ERC2: variants seen among roughly 807,000 people sequenced by gnomAD.
ERC2 encodes the protein ERC protein 2.
ERC2 carries 42 observed loss-of-function variants against 114.8 expected under a neutral mutation model. That is an observed-to-expected ratio of 0.37 (90% CI 0.29 to 0.47). The LOEUF (loss-of-function observed/expected upper bound fraction) is 0.47. Ranked by LOEUF, ERC2 falls within the 20% of genes least tolerant of loss-of-function variation. ERC2 has a pLI of 0.99. For synonymous variants in ERC2, 454 were observed against 425.5 expected (o/e 1.07, Z -0.82); for missense variants, 939 against 1,150.7 (o/e 0.82, Z 2.66).
At chr3:56,021,139 G>A (rs2073685972) in intron 7 of ERC2, among the ~76,000 whole-genome samples, 1 of 152,080 alleles carries the variant, frequency 6.6e-6, no homozygotes, top group African/African-American at 2.4e-5. Flanking sequence ...CACCAAGAAT[G>A]ACTCTTAAGA....
chr3:55,842,030 T>C (rs770936013), intron 14 of ERC2, among the ~76,000 whole-genome samples: 1 of 152,220 alleles, frequency 6.6e-6, no homozygotes, highest in Non-Finnish European at 1.5e-5. Context: ...TCAGTTTTCA[T>C]GTAACCAACA....
intron 14 of ERC2, among the ~76,000 whole-genome samples, chr3:55,749,087 T>C (rs111528024): frequency 6.6e-6 from 1 of 152,280 alleles, no homozygotes; most frequent in South Asian, 2.1e-4. Flanking sequence ...ATTAACCCAG[T>C]CTGCAGAAGG....
chr3:55,940,967 G>A (rs1424619861), intron 13 of ERC2, among the ~76,000 whole-genome samples: 2 of 152,140 alleles, frequency 1.3e-5, no homozygotes, highest in Admixed American at 1.3e-4. Context: ...AGAAAGAAAG[G>A]TGTCCAGTTT....
chr3:56,459,642 A>G (rs1261638450), intron 1 of ERC2, among the ~76,000 whole-genome samples: 1 of 152,198 alleles, frequency 6.6e-6, no homozygotes, highest in African/African-American at 2.4e-5. Context: ...GATGTCTATG[A>G]ACATTGCGGC....
intron 3 of ERC2, among the ~76,000 whole-genome samples, chr3:56,208,881 G>T (rs2048892063): frequency 6.6e-6 from 1 of 152,136 alleles, no homozygotes; most frequent in Non-Finnish European, 1.5e-5. Context: ...CTGAGAAACT[G>T]CAGAATGGTC....
chr3:55,528,098 G>A (rs1456107164), intron 17 of ERC2, among the ~76,000 whole-genome samples: 1 of 152,146 alleles, frequency 6.6e-6, no homozygotes, highest in African/African-American at 2.4e-5. Flanking sequence ...AGCAAAATAT[G>A]ATGGCAGATT....
intron 3 of ERC2, among the ~76,000 whole-genome samples, chr3:56,247,093 TTAAAAAG>T (rs1424716983): frequency 2.0e-5 from 3 of 152,306 alleles, no homozygotes; most frequent in Admixed American, 2.0e-4. Context: ...TGTGGACACT[TTAAAAAG>T]TAAGAGATGA....
rs142159776 is a variant in ERC2, at chr3:55,863,963, A to AACACAC, written c.2564+24420_2564+24425dup. Among the ~76,000 whole-genome samples, 525 of 148,842 alleles carry AACACAC rather than the reference A, an allele frequency of 3.5e-3. 5 individuals are homozygous for AACACAC. The highest frequency in any genetic ancestry group is 0.012 in the African/African-American group (492 of 40,620). ...AGTCTATAGTACCTATCCTCTCTGT[A>AACACAC]ACACACACACACACACACTCAGAGT... On this transcript the variant is annotated intron_variant, in intron 14 of 17. Transcript: ENST00000288221.
At chr3:55,681,029 A>G (rs1320163573) in intron 17 of ERC2, among the ~76,000 whole-genome samples, 2 of 152,062 alleles carry the variant, frequency 1.3e-5, no homozygotes, top group Non-Finnish European at 1.5e-5. Context: ...TGCACAGGCC[A>G]TACGCTGATA....
intron 14 of ERC2, among the ~76,000 whole-genome samples, chr3:55,801,026 G>A (rs2071006182): frequency 6.6e-6 from 1 of 152,162 alleles, no homozygotes; most frequent in African/African-American, 2.4e-5. Flanking sequence ...TTCTGCTGCT[G>A]TAGCACTAGG....
chr3:55,546,414 GA>G (rs1444912019), intron 17 of ERC2, among the ~76,000 whole-genome samples: 2 of 152,104 alleles, frequency 1.3e-5, no homozygotes, highest in Non-Finnish European at 2.9e-5. Flanking sequence ...CCTTCTCTGG[GA>G]TTCATTTTTC....
At chr3:56,448,999 C>T (rs1334418759) in intron 1 of ERC2, among the ~76,000 whole-genome samples, 2 of 147,558 alleles carry the variant, frequency 1.4e-5, no homozygotes, top group East Asian at 2.0e-4. Flanking sequence ...GGCGTGAACC[C>T]AGGAGGCAGA....
At chr3:56,029,738 T>C (rs1460334967) in intron 7 of ERC2, among the ~76,000 whole-genome samples, 1 of 152,088 alleles carries the variant, frequency 6.6e-6, no homozygotes, top group African/African-American at 2.4e-5. Flanking sequence ...TTTCTGGAGA[T>C]TTATCAATTT....
intron 2 of ERC2, among the ~76,000 whole-genome samples, chr3:56,368,175 C>CTTT (rs750386743): frequency 7.4e-6 from 1 of 135,008 alleles, no homozygotes; most frequent in Non-Finnish European, 1.6e-5. Context: ...TGAAATTATT[C>CTTT]TTTTTTTTTT....
intron 14 of ERC2, among the ~76,000 whole-genome samples, chr3:55,882,047 T>G (rs1239038358): frequency 6.6e-6 from 1 of 152,198 alleles, no homozygotes; most frequent in East Asian, 1.9e-4. Flanking sequence ...AAACTCCTAT[T>G]GAAATTTGAT....
intron 3 of ERC2, 145 bp from the exon 4 acceptor site, chr3:56,173,665 C>G (rs1483231266): frequency 1.6e-6 from 1 of 642,436 alleles, no homozygotes; most frequent in Admixed American, 3.2e-5. Flanking sequence ...CCCCCACACT[C>G]TTTAGCATCC....
intron 17 of ERC2, among the ~76,000 whole-genome samples, chr3:55,635,152 G>C (rs749867193): frequency 6.6e-6 from 1 of 151,900 alleles, no homozygotes; most frequent in Non-Finnish European, 1.5e-5. Flanking sequence ...CAAAGTGCTG[G>C]GATTACAGGC....
At chr3:55,797,736 T>C (rs973200079) in intron 14 of ERC2, among the ~76,000 whole-genome samples, 2 of 152,220 alleles carry the variant, frequency 1.3e-5, no homozygotes, top group African/African-American at 2.4e-5. Context: ...TACATACATA[T>C]ACATAATAAG....
At chr3:55,942,496 A>C (rs954867726) in intron 13 of ERC2, among the ~76,000 whole-genome samples, 1 of 145,588 alleles carries the variant, frequency 6.9e-6, no homozygotes, top group African/African-American at 2.5e-5. Flanking sequence ...ACGGGGTTTC[A>C]CCGTTTTAGC....
Sources: allele counts gnomAD v4.1 joint callset (sites outside exome capture counted in the v4.1 genomes callset), GRCh38; gene constraint gnomAD v4.1.1; transcripts MANE v1.5; gene names NCBI Gene and HGNC (gene_info 2026-07-23, HGNC 2026-07-21).